The following N4BP2 variants were observed in gnomAD, a reference collection of about 807,000 sequenced individuals.
N4BP2 encodes the protein NEDD4 binding protein 2.
A neutral mutation model predicts 152.8 loss-of-function variants in N4BP2; 91 were observed. The ratio of observed to expected loss-of-function variants is 0.60; its 90% CI spans 0.50 to 0.71. The LOEUF (loss-of-function observed/expected upper bound fraction) is 0.71. Ranked by LOEUF, N4BP2 falls within the 30% of genes least tolerant of loss-of-function variation. The pLI, the probability that N4BP2 is intolerant of heterozygous loss-of-function variation, is 0.00. For missense variants in N4BP2, 1,923 were observed against 2,059.1 expected (o/e 0.93, Z 1.28); for synonymous variants, 646 against 705.3 (o/e 0.92, Z 1.33).
chr4:40,129,158 C>T (rs997482352), intron 12 of N4BP2, among the ~76,000 whole-genome samples: 2 of 152,152 alleles, frequency 1.3e-5, no homozygotes, highest in African/African-American at 2.4e-5. Context: ...AAGCCATCCT[C>T]CCACTTCAGC....
intron 2 of N4BP2, among the ~76,000 whole-genome samples, chr4:40,085,687 C>T (rs141289798): frequency 6.6e-6 from 1 of 152,098 alleles, no homozygotes; most frequent in East Asian, 1.9e-4. Flanking sequence ...CTCTGGAACG[C>T]TGTATTGTTT....
chr4:40,084,392 GC>G (rs1380677836), intron 2 of N4BP2, among the ~76,000 whole-genome samples: 3 of 151,642 alleles, frequency 2.0e-5, no homozygotes, highest in Non-Finnish European at 2.9e-5. Flanking sequence ...GGGCAGGGTG[GC>G]AGAGGAGAAT....
At chr4:40,091,838 G>A (rs1364404741) in intron 2 of N4BP2, among the ~76,000 whole-genome samples, 3 of 147,458 alleles carry the variant, frequency 2.0e-5, no homozygotes, top group African/African-American at 7.4e-5. Flanking sequence ...TGAACTCCTG[G>A]GCTCAAGCGA....
chr4:40,069,721 A>C (rs794021), intron 1 of N4BP2, among the ~76,000 whole-genome samples: 1 of 151,960 alleles, frequency 6.6e-6, no homozygotes, highest in Non-Finnish European at 1.5e-5. Context: ...CAGTGTGGGC[A>C]GCAAAGCGAG....
chr4:40,176,504 A>G, the N4BP2 span, among the ~76,000 whole-genome samples: 5 of 152,192 alleles, frequency 3.3e-5, no homozygotes, highest in African/African-American at 1.2e-4. Context: ...TAGTTTTGAC[A>G]AAAGTACTCC....
chr4:40,136,394 C>CATCTATCTATCTATCT (rs1439368915), intron 13 of N4BP2, among the ~76,000 whole-genome samples: 1 of 133,628 alleles, frequency 7.5e-6, no homozygotes, highest in African/African-American at 2.8e-5. Flanking sequence ...ATCTATCTAT[C>CATCTATCTATCTATCT]TTTTTTTTGA....
At chr4:40,145,203 C>T (rs1283362795) in intron 16 of N4BP2, among the ~76,000 whole-genome samples, 1 of 151,942 alleles carries the variant, frequency 6.6e-6, no homozygotes, top group East Asian at 1.9e-4. Context: ...TAGGATTCTC[C>T]CACTCCAGTA....
chr4:40,189,817 A>AG, the N4BP2 span, among the ~76,000 whole-genome samples: 2 of 151,820 alleles, frequency 1.3e-5, no homozygotes, highest in Non-Finnish European at 2.9e-5. This position sits in a 1 kb window ranked among gnomAD's most constrained non-coding sequence, Gnocchi z 4.3. Flanking sequence ...TGAACCCGGG[A>AG]GGTGGAGGTT....
the N4BP2 span, among the ~76,000 whole-genome samples, chr4:40,189,610 G>T: frequency 6.6e-6 from 1 of 152,022 alleles, no homozygotes; most frequent in African/African-American, 2.4e-5. The surrounding 1 kb of genome is among the most constrained non-coding windows in gnomAD (Gnocchi z 4.3). Context: ...ACATTATGGC[G>T]AGGCGCGGTG....
chr4:40,101,362 G>A (rs140985560), intron 3 of N4BP2, among the ~76,000 whole-genome samples: 90 of 152,180 alleles, frequency 5.9e-4, no homozygotes, highest in Middle Eastern at 3.4e-3. Context: ...GTTTCGCCAC[G>A]TTGGCTAGGC....
At chr4:40,170,536 G>A in the N4BP2 span, among the ~76,000 whole-genome samples, 2,786 of 152,268 alleles carry the variant, frequency 0.018, 80 homozygotes, top group African/African-American at 0.063. Flanking sequence ...TACTTGTGGG[G>A]TGCTGAGACA....
downstream of N4BP2, among the ~76,000 whole-genome samples, chr4:40,161,052 CTCAA>C (rs1721845703): frequency 1.3e-5 from 2 of 152,350 alleles, no homozygotes; most frequent in South Asian, 4.1e-4. Context: ...AGACCAAAAA[CTCAA>C]TCAATCAATC....
intron 16 of N4BP2, among the ~76,000 whole-genome samples, chr4:40,150,841 A>G (rs913229109): frequency 6.6e-6 from 1 of 152,200 alleles, no homozygotes; most frequent in Non-Finnish European, 1.5e-5. Flanking sequence ...CTGTAAAAAC[A>G]TATTTTTGAG....
At chr4:40,061,975 T>G (rs1733691214) in intron 1 of N4BP2, among the ~76,000 whole-genome samples, 1 of 152,172 alleles carries the variant, frequency 6.6e-6, no homozygotes, top group Non-Finnish European at 1.5e-5. Context: ...ATTAGTGTCT[T>G]TTTTTCTTGA....
intron 7 of N4BP2, among the ~76,000 whole-genome samples, chr4:40,117,652 G>C (rs1048608606): frequency 6.6e-6 from 1 of 151,836 alleles, no homozygotes; most frequent in Non-Finnish European, 1.5e-5. Context: ...TCAAATACTA[G>C]AATTTTTTTT....
chr4:40,078,771 G>A (rs765594689), intron 2 of N4BP2, among the ~76,000 whole-genome samples: 6 of 151,006 alleles, frequency 4.0e-5, no homozygotes, highest in East Asian at 2.0e-4. Context: ...CAAGCAGTTC[G>A]CCCACTGTGG....
intron 12 of N4BP2, 57 bp from the exon 13 acceptor site, chr4:40,131,744 A>G: frequency 8.0e-7 from 1 of 1,247,658 alleles, no homozygotes; most frequent in African/African-American, 1.5e-5. Context: ...GCCTTTGGTC[A>G]GTGTTTCTAG....
Position 40,121,600 on chromosome 4 carries a change from T to C in N4BP2, c.3489T>C (p.Ile1163=), listed in dbSNP as rs371314742. The C allele has an allele frequency of 6.2e-7, 1 of 1,614,160 alleles. No individual in the cohort carries two copies. The highest frequency in any genetic ancestry group is 8.5e-7 in the Non-Finnish European group (1 of 1,180,006). The change falls in exon 9 of 18, where the codon ATT becomes ATC. Residue 1163 remains isoleucine, a synonymous_variant. Coordinates refer to ENST00000261435, the MANE Select transcript of N4BP2 (RefSeq NM_018177.6). The part of the protein sequence containing the change: ...FSLGLNLKEI[I]SQRGTLENSN... ...TGGGGTTGAATTTGAAAGAAATTATTAGCCAAAGAGGAACTTTAGAGAATT... is the reference window on the plus strand; with the variant it reads ...TGGGGTTGAATTTGAAAGAAATTATCAGCCAAAGAGGAACTTTAGAGAATT...
the N4BP2 span, among the ~76,000 whole-genome samples, chr4:40,186,389 G>A: frequency 6.6e-6 from 1 of 152,122 alleles, no homozygotes; most frequent in African/African-American, 2.4e-5. Flanking sequence ...AATAAAAAAG[G>A]AACAACAACT....
Sources: gnomAD v4.1 joint callset for allele counts (sites outside exome capture counted in the v4.1 genomes callset) on GRCh38, gnomAD v4.1.1 for gene constraint, Gnocchi (gnomAD v3.1) non-coding constraint, MANE v1.5 for transcripts, NCBI Gene and HGNC (gene_info 2026-07-23, HGNC 2026-07-21) for gene names.